The following UNC79 variants were observed in gnomAD, a reference collection of about 807,000 sequenced individuals.
The protein encoded by UNC79 is protein unc-79 homolog.
In UNC79, 37 loss-of-function variants were observed where a neutral mutation model predicts 283.1. The ratio of observed to expected loss-of-function variants is 0.13; its 90% confidence interval spans 0.10 to 0.17. The LOEUF (loss-of-function observed/expected upper bound fraction) is 0.17, where lower values mean the gene tolerates loss of function less well. UNC79 is among the 10% of genes least tolerant of loss of function. UNC79 has a pLI of 1.00. For missense variants in UNC79, 2,272 were observed against 3,211.1 expected, an observed-to-expected ratio of 0.71 and a Z score of 7.07; for synonymous variants, 1,107 against 1,200.2, an observed-to-expected ratio of 0.92 and a Z score of 1.61.
chr14:93,506,669 G>T (rs1458629006), intron 7 of UNC79, among the ~76,000 whole-genome samples: 1 of 151,964 alleles, frequency 6.6e-6, no homozygotes, highest in Non-Finnish European at 1.5e-5. Context: ...TTTTGGAGGG[G>T]TTCATAGGAC....
At chr14:93,372,057 A>G (rs2054462831) in intron 1 of UNC79, among the ~76,000 whole-genome samples, 2 of 152,250 alleles carry the variant, frequency 1.3e-5, no homozygotes, top group Admixed American at 1.3e-4. Context: ...AGAGAAGTTA[A>G]AAGAAGTTCT....
chr14:93,634,528 T>C, intron 31 of UNC79: 5 of 1,613,262 alleles, frequency 3.1e-6, no homozygotes, highest in Middle Eastern at 1.7e-4. Context: ...TAGCTCAGTA[T>C]AGGCAGATGA....
intron 40 of UNC79, among the ~76,000 whole-genome samples, chr14:93,664,038 G>A (rs187204554): frequency 7.7e-4 from 117 of 152,142 alleles, no homozygotes; most frequent in African/African-American, 2.6e-3. Flanking sequence ...CATAACTTTA[G>A]TGGCCTTTTA....
intron 20 of UNC79, among the ~76,000 whole-genome samples, chr14:93,583,803 C>CTTTTT (rs386382193): frequency 1.7e-4 from 22 of 127,170 alleles, no homozygotes; most frequent in African/African-American, 6.6e-4. Flanking sequence ...TGTTGGAGGT[C>CTTTTT]TTTTTTTTTT....
At chr14:93,613,330 G>C (rs1232749881) in intron 27 of UNC79, among the ~76,000 whole-genome samples, 1 of 152,024 alleles carries the variant, frequency 6.6e-6, no homozygotes, top group Non-Finnish European at 1.5e-5. Flanking sequence ...GTGTGAGAGA[G>C]AGAGAGAGAA....
intron 1 of UNC79, among the ~76,000 whole-genome samples, chr14:93,360,789 A>G (rs1165349898): frequency 1.3e-5 from 2 of 152,226 alleles, no homozygotes; most frequent in Admixed American, 1.3e-4. Context: ...GTTCCAGAGA[A>G]TAAATTTGAC....
chr14:93,609,147 A>G (rs1324334391), intron 26 of UNC79, among the ~76,000 whole-genome samples: 1 of 152,156 alleles, frequency 6.6e-6, no homozygotes, highest in Non-Finnish European at 1.5e-5. Flanking sequence ...AATTGCTGAG[A>G]GGAATATTGG....
At chr14:93,655,123 TG>T in intron 37 of UNC79, 110 bp from the exon 41 acceptor site, 1 of 1,253,722 alleles carries the variant, frequency 8.0e-7, no homozygotes, top group Non-Finnish European at 1.1e-6. Flanking sequence ...TAGTAGGCAC[TG>T]AACACGTTTA....
intron 1 of UNC79, among the ~76,000 whole-genome samples, chr14:93,406,679 A>G (rs1179391559): frequency 6.6e-6 from 1 of 152,232 alleles, no homozygotes; most frequent in Non-Finnish European, 1.5e-5. Context: ...AAGATGATTT[A>G]TTAAAACTCA....
Position 93,550,532 on chromosome 14 carries a change from AAAAAAAAAAG to A in UNC79, c.1755+7838_1755+7847del, listed in dbSNP as rs1184341913. The stretch of plus-strand genomic sequence containing the variant: ...TCCGTATCAAAAAAAAAAAAAAAAA[AAAAAAAAAAG>A]AGGAAGGAGTCTTCCCTGGCTCAAT... On this transcript the variant is annotated intron_variant, in intron 14 of 48. Transcript: ENST00000555664. Among the ~76,000 whole-genome samples, 13 of 136,100 alleles carry A rather than the reference AAAAAAAAAAG, an allele frequency of 9.6e-5. 1 individual carries two copies. Among genetic ancestry groups the A allele is most frequent in the African/African-American group, 3.3e-4 (12 of 36,512 alleles). The allele number at this position is 136,100 out of a possible 152,430, so 89.3% of individuals were successfully genotyped here. A position where few individuals can be genotyped will look rare whatever the true frequency, so the allele number is the denominator to read the frequency against.
chr14:93,627,818 G>A (rs755183071), intron 30 of UNC79, among the ~76,000 whole-genome samples: 1 of 152,144 alleles, frequency 6.6e-6, no homozygotes. Context: ...ATTATCTGTT[G>A]TTTATCTGAA....
chr14:93,574,302 A>C (rs965268891), intron 16 of UNC79, among the ~76,000 whole-genome samples: 5 of 152,190 alleles, frequency 3.3e-5, no homozygotes, highest in African/African-American at 1.2e-4. Flanking sequence ...AAGGTTTTCC[A>C]GCCTTGGTCT....
chr14:93,621,696 G>T lies in UNC79; in HGVS notation c.4463G>T (p.Ser1488Ile). 1 of 1,613,476 alleles carries T rather than the reference G, an allele frequency of 6.2e-7. No homozygotes were observed. Among genetic ancestry groups the T allele is most frequent in the Non-Finnish European group, 8.5e-7 (1 of 1,179,748 alleles). The change falls in exon 30 of 49, where the codon AGC becomes ATC. Residue 1488 changes from serine to isoleucine, a missense_variant. Physicochemically the swap from Ser to Ile is moderately radical, Grantham distance 142 (BLOSUM62 -2). Coordinates refer to ENST00000555664, the Ensembl canonical transcript of UNC79. The surrounding 1 kb of genome is among the most constrained non-coding windows in gnomAD (Gnocchi z 4.8). Reference sequence around the variant, plus strand: ...CTTCTCCACTGTGTGAGAGAAGAAAGCATTCCGAAAAAAAAGCTACGCTCT... The same window carrying T: ...CTTCTCCACTGTGTGAGAGAAGAAATCATTCCGAAAAAAAAGCTACGCTCT...
chr14:93,356,968 C>T (rs1282429394), intron 1 of UNC79, among the ~76,000 whole-genome samples: 1 of 152,124 alleles, frequency 6.6e-6, no homozygotes, highest in Admixed American at 6.5e-5. Flanking sequence ...AGGTAATAAG[C>T]ATAGTACTCA....
intron 14 of UNC79, among the ~76,000 whole-genome samples, chr14:93,545,977 A>G (rs1595820407): frequency 6.6e-6 from 1 of 152,238 alleles, no homozygotes; most frequent in South Asian, 2.1e-4. Context: ...AGGGAGTTGA[A>G]GCTGTCCTCT....
intron 14 of UNC79, among the ~76,000 whole-genome samples, chr14:93,543,199 C>T (rs1490873219): frequency 7.3e-6 from 1 of 136,992 alleles, no homozygotes; most frequent in African/African-American, 2.7e-5. Context: ...TTTTTTTAAT[C>T]ATGTATATAT....
chr14:93,653,663 G>A, intron 35 of UNC79, 79 bp from the exon 39 acceptor site: 1 of 1,298,624 alleles, frequency 7.7e-7, no homozygotes, highest in Non-Finnish European at 1.1e-6. Context: ...GTGTGCAAAT[G>A]TCTGAACTCT....
chr14:93,539,493 C>T (rs2061271274), intron 12 of UNC79, among the ~76,000 whole-genome samples: 2 of 151,356 alleles, frequency 1.3e-5, no homozygotes, highest in Admixed American at 6.6e-5. Context: ...TGCACTCCAG[C>T]CTGGGAGACA....
chr14:93,438,254 A>G (rs991970327), intron 1 of UNC79, among the ~76,000 whole-genome samples: 2 of 152,176 alleles, frequency 1.3e-5, no homozygotes, highest in African/African-American at 4.8e-5. Flanking sequence ...ACTAGATACA[A>G]ATCTATCCTG....
Sources: allele counts gnomAD v4.1 joint callset (sites outside exome capture counted in the v4.1 genomes callset), GRCh38; gene constraint gnomAD v4.1.1; non-coding constraint Gnocchi (gnomAD v3.1); transcripts MANE v1.5; gene names NCBI Gene and HGNC (gene_info 2026-07-23, HGNC 2026-07-21).